The following ME1 variants were observed in gnomAD, a reference collection of about 807,000 sequenced individuals.
ME1 encodes NADP-dependent malic enzyme.
Under a neutral mutation model 66.4 loss-of-function variants are expected in ME1, and 74 were observed. The ratio of observed to expected loss-of-function variants is 1.11; its 90% CI spans 0.92 to 1.35. The LOEUF is 1.35. ME1 is among the 40% of genes most tolerant of loss of function. The pLI, the probability that ME1 is intolerant of heterozygous loss-of-function variation, is 0.00. For synonymous variants in ME1, 251 were observed against 235.6 expected (o/e 1.07, Z -0.60); for missense variants, 750 against 694.1 (o/e 1.08, Z -0.90).
intron 3 of ME1, among the ~76,000 whole-genome samples, chr6:83,359,669 T>C (rs1258404607): frequency 6.6e-6 from 1 of 151,956 alleles, no homozygotes; most frequent in South Asian, 2.1e-4. Context: ...CTTAGGGAGA[T>C]TGGGGTGGTG....
chr6:83,358,059 TG>T (rs1768933248), intron 3 of ME1, among the ~76,000 whole-genome samples: 1 of 148,946 alleles, frequency 6.7e-6, no homozygotes, highest in Non-Finnish European at 1.5e-5. Context: ...ATACAGATTT[TG>T]GTATAAGGAG....
chr6:83,308,921 G>A (rs892656345), intron 6 of ME1, among the ~76,000 whole-genome samples: 3 of 152,076 alleles, frequency 2.0e-5, no homozygotes, highest in Non-Finnish European at 4.4e-5. Flanking sequence ...AAGGAGGTGA[G>A]AGAGCTAGTC....
In ME1 at chr6:83,395,097, T is replaced by G. The variant is rs566410114; in HGVS notation, c.362+3270A>C. Among the ~76,000 whole-genome samples the G allele has an allele frequency of 3.0e-4, 40 of 131,310 alleles. No homozygotes were observed. In the East Asian group the frequency reaches 3.1e-3, roughly 10 times the overall value. 86.1% of individuals were successfully genotyped at this position (131,310 alleles called of 152,430 possible). On this transcript the variant is annotated intron_variant, in intron 3 of 13. Coordinates refer to ENST00000369705, the MANE Select transcript of ME1 (RefSeq NM_002395.6). ...CAGTATTACTTTTTTGTTTTTTTGGTTTTTTTTTTTGAGATGGAGTCTCAC... is the reference window on the plus strand; with the variant it reads ...CAGTATTACTTTTTTGTTTTTTTGGGTTTTTTTTTTGAGATGGAGTCTCAC...
At position 83,228,858 on chromosome 6, in the gene ME1, A is replaced by G. The variant is rs780667507; in HGVS notation, c.1100T>C (p.Ile367Thr). The G allele has an allele frequency of 1.2e-6, 2 of 1,612,836 alleles. No individual in the cohort carries two copies. Among genetic ancestry groups the G allele is most frequent in the Non-Finnish European group, 1.7e-6 (2 of 1,179,652 alleles). The change falls in exon 10 of 14, where the codon ATT becomes ACT. Residue 367 changes from isoleucine (I) to threonine (T), a missense_variant. By Grantham distance (89) the Ile-to-Thr change is moderately conservative. Transcript: ENST00000369705. ...GGCAGTTGGTTTTATTTCTTGAACA[A>G]TGGCTTCTAGGTTCTTCATTTCTTC... The part of the protein sequence containing the change: ...EHEEMKNLEA[I>T]VQEIKPTALI...
intron 6 of ME1, among the ~76,000 whole-genome samples, chr6:83,276,798 G>A (rs778308654): frequency 1.3e-5 from 2 of 152,054 alleles, no homozygotes; most frequent in Non-Finnish European, 2.9e-5. Context: ...GTCATAGAAC[G>A]ATCTTAATTT....
chr6:83,411,323 C>A (rs1214926272), intron 1 of ME1, among the ~76,000 whole-genome samples: 1 of 151,782 alleles, frequency 6.6e-6, no homozygotes, highest in Admixed American at 6.6e-5. Context: ...GAGATTGCGC[C>A]ACTGCACTCC....
chr6:83,395,667 G>A (rs1769717249), intron 3 of ME1, among the ~76,000 whole-genome samples: 1 of 150,898 alleles, frequency 6.6e-6, no homozygotes, highest in Admixed American at 6.6e-5. Flanking sequence ...GTAGAGATGG[G>A]GTTTCACCAT....
At chr6:83,374,510 T>C (rs1414569840) in intron 3 of ME1, among the ~76,000 whole-genome samples, 1 of 152,192 alleles carries the variant, frequency 6.6e-6, no homozygotes, top group Admixed American at 6.5e-5. Flanking sequence ...CTTTGTCAGA[T>C]GGTAGATTGC....
At chr6:83,243,494 T>C (rs1790547880) in intron 7 of ME1, among the ~76,000 whole-genome samples, 1 of 130,838 alleles carries the variant, frequency 7.6e-6, no homozygotes, top group African/African-American at 3.0e-5. Flanking sequence ...ATAATTATGT[T>C]ATATTGATAT....
Position 83,387,020 on chromosome 6 carries a change from G to C in ME1, c.362+11347C>G, listed in dbSNP as rs578108590. On this transcript the variant is annotated intron_variant, in intron 3 of 13. Transcript: ENST00000369705. ...TATCATAGCAGCCCAAATTGACTAA[G>C]ACAGTGCCACAGTCTTATTTCAAGC... 1.3e-4 allele frequency among the ~76,000 whole-genome samples: 20 copies of C among 152,204 alleles called. No individual in the cohort carries two copies. In the South Asian group the frequency reaches 4.2e-3, roughly 32 times the overall value.
intron 9 of ME1, chr6:83,229,265 G>A (rs1012310714): frequency 5.0e-5 from 20 of 403,086 alleles, no homozygotes; most frequent in South Asian, 1.1e-4. Context: ...TATATTGTTC[G>A]TCACACATTG....
chr6:83,340,133 T>G (rs1768550649), intron 5 of ME1, among the ~76,000 whole-genome samples: 1 of 152,222 alleles, frequency 6.6e-6, no homozygotes, highest in Non-Finnish European at 1.5e-5. Context: ...AGGCAGCCAC[T>G]TTACTGAGTG....
chr6:83,213,822 C>T (rs765464793), intron 13 of ME1, among the ~76,000 whole-genome samples: 18 of 151,642 alleles, frequency 1.2e-4, no homozygotes, highest in Non-Finnish European at 2.1e-4. Context: ...TATGAAATGT[C>T]TATGAAAAAG....
At chr6:83,429,817 T>C (rs754536466) in intron 1 of ME1, among the ~76,000 whole-genome samples, 2 of 152,168 alleles carry the variant, frequency 1.3e-5, no homozygotes, top group Non-Finnish European at 2.9e-5. Flanking sequence ...CTGTTCTTAA[T>C]GTGAAATGCA....
At chr6:83,346,432 A>G in intron 4 of ME1, 98 bp from the exon 5 acceptor site, 1 of 677,328 alleles carries the variant, frequency 1.5e-6, no homozygotes, top group East Asian at 3.1e-5. Context: ...TGAAATAGTA[A>G]GCTGTTAAAA....
At chr6:83,418,238 T>C (rs890215683) in intron 1 of ME1, among the ~76,000 whole-genome samples, 1 of 152,188 alleles carries the variant, frequency 6.6e-6, no homozygotes, top group African/African-American at 2.4e-5. Context: ...AGAGAAATAG[T>C]ATAATTGGCT....
chr6:83,282,305 C>G (rs1767313620), intron 6 of ME1, among the ~76,000 whole-genome samples: 1 of 152,180 alleles, frequency 6.6e-6, no homozygotes, highest in African/African-American at 2.4e-5. Flanking sequence ...GCAAAAGAAA[C>G]TATCATCAGA....
intron 3 of ME1, among the ~76,000 whole-genome samples, chr6:83,361,940 T>C (rs1769013136): frequency 6.6e-6 from 1 of 152,140 alleles, no homozygotes; most frequent in African/African-American, 2.4e-5. Flanking sequence ...CCACCCTGAC[T>C]TCTCTTCCCC....
At chr6:83,229,091 A>ATTCATTCGT (rs1790252099) in intron 9 of ME1, 160 bp from the exon 10 acceptor site, 1 of 625,076 alleles carries the variant, frequency 1.6e-6, no homozygotes, top group East Asian at 2.8e-5. Context: ...ATGTTATTTC[A>ATTCATTCGT]TTCATTCGTT....
Sources: allele counts gnomAD v4.1 joint callset (sites outside exome capture counted in the v4.1 genomes callset), GRCh38; gene constraint gnomAD v4.1.1; transcripts MANE v1.5; gene names NCBI Gene and HGNC (gene_info 2026-07-23, HGNC 2026-07-21).